GLCE: variants seen among roughly 807,000 people sequenced by gnomAD.
GLCE encodes the protein D-glucuronyl C5-epimerase.
Under a neutral mutation model 47.9 loss-of-function variants are expected in GLCE, and 19 were observed. The ratio of observed to expected loss-of-function variants is 0.40; its 90% CI spans 0.28 to 0.58. The LOEUF (loss-of-function observed/expected upper bound fraction) is 0.58, where lower values mean the gene tolerates loss of function less well. Among genes scored for constraint, GLCE ranks in the 20% least tolerant of loss-of-function variants. GLCE has a pLI of 0.48. For missense variants in GLCE, 556 were observed against 743.3 expected (o/e 0.75, Z 2.93); for synonymous variants, 245 against 263.4 (o/e 0.93, Z 0.68).
chr15:69,186,215 C>T (rs1406663889), intron 1 of GLCE, among the ~76,000 whole-genome samples: 4 of 152,024 alleles, frequency 2.6e-5, no homozygotes, highest in African/African-American at 7.2e-5. Context: ...GGGTATGAGG[C>T]AGGACCCTCT....
chr15:69,212,240 T>A (rs1008122395), intron 2 of GLCE, among the ~76,000 whole-genome samples: 1 of 151,934 alleles, frequency 6.6e-6, no homozygotes, highest in Non-Finnish European at 1.5e-5. Context: ...TCCTCTTAAA[T>A]GATGGATGAT....
chr15:69,162,392 A>C (rs2051438484), intron 1 of GLCE, among the ~76,000 whole-genome samples: 1 of 152,122 alleles, frequency 6.6e-6, no homozygotes, highest in Non-Finnish European at 1.5e-5. Flanking sequence ...ACTCTATCAC[A>C]GAGGCCTGTA....
At chr15:69,174,162 A>T (rs939595198) in intron 1 of GLCE, among the ~76,000 whole-genome samples, 9 of 152,204 alleles carry the variant, frequency 5.9e-5, no homozygotes, top group African/African-American at 9.6e-5. Flanking sequence ...CTGGCCTTAG[A>T]TGATTTTTAA....
At chr15:69,170,830 C>A (rs1201025095) in intron 1 of GLCE, among the ~76,000 whole-genome samples, 1 of 152,172 alleles carries the variant, frequency 6.6e-6, no homozygotes, top group African/African-American at 2.4e-5. Flanking sequence ...TTGACAATAG[C>A]ACTTCTGTTT....
At chr15:69,227,408 G>A (rs2140398870) in intron 2 of GLCE, among the ~76,000 whole-genome samples, 1 of 152,290 alleles carries the variant, frequency 6.6e-6, no homozygotes, top group African/African-American at 2.4e-5. Flanking sequence ...ATGAAGAGCT[G>A]ATACTAGAGT....
chr15:69,268,875 C>T lies in GLCE; in HGVS notation c.1485C>T (p.Asp495=). ...GVKAVFMNKH[D]WYEEYPTTPS... ...AAGCTGTGTTTATGAATAAACATGA[C>T]TGGTATGAAGAATATCCAACCACAC... The change falls in exon 5 of 5, where the codon GAC becomes GAT. Residue 495 remains aspartate, a synonymous_variant. Transcript: ENST00000261858. 1 of 1,613,978 alleles carries T rather than the reference C, an allele frequency of 6.2e-7. No individual in the cohort carries two copies. Among genetic ancestry groups the T allele is most frequent in the Non-Finnish European group, 8.5e-7 (1 of 1,179,878 alleles).
In GLCE at chr15:69,216,865, CCCTATTTCAGTAGGAGATTGTTT is replaced by C. The variant is rs552348209; in HGVS notation, c.-14+6477_-14+6499del. On this transcript the variant is annotated intron_variant, in intron 2 of 4. Transcript: ENST00000261858. ...ATAATTCTAATTAGCTAAGTGAGTT[CCCTATTTCAGTAGGAGATTGTTT>C]CCTATTTCAGTAGGAGAAAGCCAAA... 6.1e-3 allele frequency among the ~76,000 whole-genome samples: 933 copies of C among 152,142 alleles called. 7 individuals carry two copies. The highest frequency in any genetic ancestry group is 0.01 in the South Asian group (49 of 4,826).
intron 2 of GLCE, among the ~76,000 whole-genome samples, chr15:69,249,168 A>G (rs150033553): frequency 6.6e-6 from 1 of 152,270 alleles, no homozygotes; most frequent in East Asian, 1.9e-4. Context: ...GAGCCATCCA[A>G]ATGGATATCT....
Position 69,224,651 on chromosome 15 carries a change from G to A in GLCE, c.-14+14245G>A, listed in dbSNP as rs186484584. Among the ~76,000 whole-genome samples the A allele has an allele frequency of 1.3e-3, 194 of 152,300 alleles. 1 individual carries two copies. Among genetic ancestry groups the A allele is most frequent in the Non-Finnish European group, 2.3e-3 (154 of 68,026 alleles). On this transcript the variant is annotated intron_variant, in intron 2 of 4. Coordinates refer to ENST00000261858, the MANE Select transcript of GLCE (RefSeq NM_015554.3). ...GGAGGACAAGGTCCTTTTTGCCTAC[G>A]TGGGCTCCTGCAAGCTGAGTACAAA...
Position 69,213,425 on chromosome 15 carries a change from T to C in GLCE, c.-14+3019T>C, listed in dbSNP as rs115122257. Reference sequence around the variant, plus strand: ...CCTGGTCAGGTATTTTTGTAGAATGTCATTCAATTAGAGTTGAGTTTCTCT... The same window carrying C: ...CCTGGTCAGGTATTTTTGTAGAATGCCATTCAATTAGAGTTGAGTTTCTCT... On this transcript the variant is annotated intron_variant, in intron 2 of 4. Coordinates refer to ENST00000261858, the MANE Select transcript of GLCE (RefSeq NM_015554.3). 3.4e-3 allele frequency among the ~76,000 whole-genome samples: 513 copies of C among 152,246 alleles called. 4 individuals carry two copies. Among genetic ancestry groups the C allele is most frequent in the African/African-American group, 0.012 (498 of 41,574 alleles).
At chr15:69,210,497 G>A (rs1481234581) in intron 2 of GLCE, 91 bp downstream of exon 2, 1 of 152,040 alleles carries the variant, frequency 6.6e-6, no homozygotes, top group African/African-American at 2.4e-5. Context: ...ATTAAGGTAA[G>A]ATTGTTTAAT....
intron 2 of GLCE, among the ~76,000 whole-genome samples, chr15:69,248,133 C>G (rs11633040): frequency 4.6e-5 from 7 of 152,102 alleles, no homozygotes; most frequent in African/African-American, 1.4e-4. Flanking sequence ...TGCAAAATTT[C>G]CTTCCTGTTT....
chr15:69,258,866 G>A (rs1401288065), intron 3 of GLCE, among the ~76,000 whole-genome samples: 1 of 152,164 alleles, frequency 6.6e-6, no homozygotes, highest in Admixed American at 6.5e-5. Context: ...AAATGTTACA[G>A]ATTTTCATTG....
At chr15:69,236,755 G>A (rs1025119559) in intron 2 of GLCE, among the ~76,000 whole-genome samples, 8 of 152,150 alleles carry the variant, frequency 5.3e-5, no homozygotes, top group East Asian at 1.9e-4. Flanking sequence ...TGAGAAAACC[G>A]TGATTCAGAG....
intron 2 of GLCE, among the ~76,000 whole-genome samples, chr15:69,253,378 TCCC>T (rs2052876288): frequency 6.6e-6 from 1 of 152,204 alleles, no homozygotes; most frequent in African/African-American, 2.4e-5. Context: ...CACACAGAGC[TCCC>T]TCTTTTTATC....
At chr15:69,244,828 A>T (rs1303897335) in intron 2 of GLCE, among the ~76,000 whole-genome samples, 1 of 152,132 alleles carries the variant, frequency 6.6e-6, no homozygotes, top group Non-Finnish European at 1.5e-5. Flanking sequence ...GTGGGTCCTT[A>T]TGCCTTAGTC....
chr15:69,182,544 A>G (rs1408207828), intron 1 of GLCE, among the ~76,000 whole-genome samples: 1 of 152,162 alleles, frequency 6.6e-6, no homozygotes, highest in Non-Finnish European at 1.5e-5. Flanking sequence ...GGAAGGAAGG[A>G]AGTAAATGAT....
At chr15:69,204,277 CTTTTTTTTTTTTT>C (rs57376738) in intron 1 of GLCE, among the ~76,000 whole-genome samples, 2 of 88,342 alleles carry the variant, frequency 2.3e-5, no homozygotes, top group African/African-American at 8.2e-5. Flanking sequence ...GATTGTTTTA[CTTTTTTTTTTTTT>C]TTTTTTTTTT....
chr15:69,178,913 T>C (rs929502665), intron 1 of GLCE, among the ~76,000 whole-genome samples: 4 of 152,118 alleles, frequency 2.6e-5, no homozygotes, highest in African/African-American at 9.7e-5. Context: ...TGGGATGTCA[T>C]ATAGTCATAA....
Sources: allele counts gnomAD v4.1 joint callset (sites outside exome capture counted in the v4.1 genomes callset), GRCh38; gene constraint gnomAD v4.1.1; transcripts MANE v1.5; gene names NCBI Gene and HGNC (gene_info 2026-07-23, HGNC 2026-07-21).